The following PEMT variants were observed in gnomAD, a reference collection of about 807,000 sequenced individuals.
The protein encoded by PEMT is phosphatidylethanolamine N-methyltransferase.
In PEMT, 23 loss-of-function variants were observed where a neutral mutation model predicts 27.4. The ratio of observed to expected loss-of-function variants is 0.84; its 90% CI spans 0.60 to 1.19. The LOEUF (loss-of-function observed/expected upper bound fraction) is 1.19. Among genes scored for constraint, PEMT ranks in the 50% most tolerant of loss-of-function variants. The pLI is 0.00. For synonymous variants in PEMT, 137 were observed against 139.1 expected, an observed-to-expected ratio of 0.98 and a Z score of 0.11; for missense variants, 307 against 310.1, an observed-to-expected ratio of 0.99 and a Z score of 0.07.
chr17:17,518,423 A>G (rs1907008407), intron 3 of PEMT, among the ~76,000 whole-genome samples: 1 of 152,202 alleles, frequency 6.6e-6, no homozygotes, highest in Non-Finnish European at 1.5e-5. Flanking sequence ...GGAGCCCATC[A>G]GCCTTCCTCC....
chr17:17,588,991 G>A (rs1209107513), intron 1 of PEMT, among the ~76,000 whole-genome samples: 1 of 152,208 alleles, frequency 6.6e-6, no homozygotes, highest in Non-Finnish European at 1.5e-5. Context: ...ACAGAGTTTC[G>A]CTCTTCTAGC....
At chr17:17,535,589 AC>A (rs2142578709) in intron 2 of PEMT, among the ~76,000 whole-genome samples, 1 of 151,506 alleles carries the variant, frequency 6.6e-6, no homozygotes, top group South Asian at 2.1e-4. Flanking sequence ...AAAAGTCCTT[AC>A]TTGTTAGAGA....
At chr17:17,537,026 C>T (rs539249486) in intron 2 of PEMT, among the ~76,000 whole-genome samples, 44 of 152,304 alleles carry the variant, frequency 2.9e-4, no homozygotes, top group African/African-American at 9.9e-4. Flanking sequence ...CCGGGGGGCA[C>T]GGGAGGGACA....
intron 1 of PEMT, among the ~76,000 whole-genome samples, chr17:17,584,280 C>T (rs1345753184): frequency 6.6e-6 from 1 of 152,206 alleles, no homozygotes; most frequent in Non-Finnish European, 1.5e-5. Flanking sequence ...CTGCCTCAGC[C>T]TCCTAAGTAG....
At chr17:17,518,504 C>T (rs983432236) in intron 3 of PEMT, among the ~76,000 whole-genome samples, 25 of 152,366 alleles carry the variant, frequency 1.6e-4, no homozygotes, top group African/African-American at 5.5e-4. Context: ...TGGAGCACAC[C>T]TGCTTCCAGA....
In PEMT at chr17:17,529,122, C is replaced by G. The variant is rs548725392; in HGVS notation, c.205-6727G>C. ...GCCAGCTAGGCAGGCCCTGGGCCAG[C>G]AAGCAAGTGCATATATGAACAGGCG... On this transcript the variant is annotated intron_variant, in intron 2 of 6. Coordinates refer to ENST00000255389, the MANE Select transcript of PEMT (RefSeq NM_148172.3). 1.7e-3 allele frequency among the ~76,000 whole-genome samples: 260 copies of G among 152,350 alleles called. 1 individual carries two copies. Among genetic ancestry groups the G allele is most frequent in the Non-Finnish European group, 3.0e-3 (203 of 68,042 alleles).
intron 1 of PEMT, among the ~76,000 whole-genome samples, chr17:17,585,873 G>A (rs1243746988): frequency 6.6e-6 from 1 of 151,902 alleles, no homozygotes; most frequent in East Asian, 1.9e-4. Context: ...ATGAAGTCAG[G>A]AGATCGAGAT....
At chr17:17,517,790 GT>G (rs545056971) in intron 3 of PEMT, among the ~76,000 whole-genome samples, 45 of 152,278 alleles carry the variant, frequency 3.0e-4, no homozygotes, top group African/African-American at 1.0e-3. Context: ...CAGCCTGTGA[GT>G]GGGGGCCGCC....
In PEMT at chr17:17,534,128, G is replaced by A. The variant is rs114826315; in HGVS notation, c.205-11733C>T. 5.4e-3 allele frequency among the ~76,000 whole-genome samples: 815 copies of A among 152,236 alleles called. 10 individuals are homozygous for A. Among genetic ancestry groups the A allele is most frequent in the African/African-American group, 0.019 (774 of 41,516 alleles). ...TAAGAAAGATGAAAGCAGCTATCCA[G>A]GCAGACTTGAACATGGATGTTTACA... On this transcript the variant is annotated intron_variant, in intron 2 of 6. Transcript: ENST00000255389.
upstream of PEMT, chr17:17,592,100 ACGCCCAGGGCCCCACG>A (rs1912620976): frequency 1.0e-6 from 1 of 984,938 alleles, no homozygotes; most frequent in African/African-American, 1.7e-5. Flanking sequence ...AGGGCCCCAC[ACGCCCAGGGCCCCACG>A]CCCTCTTCTG....
chr17:17,557,682 T>A (rs918303855), intron 2 of PEMT, among the ~76,000 whole-genome samples: 24 of 152,096 alleles, frequency 1.6e-4, no homozygotes, highest in African/African-American at 5.8e-4. Context: ...AGGACTGAAA[T>A]GGGGTGGGCC....
intron 2 of PEMT, among the ~76,000 whole-genome samples, chr17:17,536,526 G>A (rs1437032291): frequency 1.3e-5 from 2 of 152,184 alleles, no homozygotes; most frequent in East Asian, 1.9e-4. Context: ...TCCTGCACAC[G>A]GGAGCCCCAG....
intron 4 of PEMT, among the ~76,000 whole-genome samples, chr17:17,511,956 G>A (rs924015953): frequency 6.6e-6 from 1 of 152,142 alleles, no homozygotes; most frequent in African/African-American, 2.4e-5. Context: ...AAGCACCTCA[G>A]CCACAGGCAG....
chr17:17,532,282 T>C (rs1908155764), intron 2 of PEMT, among the ~76,000 whole-genome samples: 1 of 152,084 alleles, frequency 6.6e-6, no homozygotes, highest in African/African-American at 2.4e-5. Context: ...TGACATAATC[T>C]CATACATTAA....
intron 2 of PEMT, among the ~76,000 whole-genome samples, chr17:17,527,265 G>A (rs1169975945): frequency 2.0e-5 from 3 of 152,194 alleles, no homozygotes; most frequent in Admixed American, 6.5e-5. Context: ...TCAAACTCCC[G>A]ACCTCAGGTG....
chr17:17,508,733 C>T (rs1906105883), intron 5 of PEMT: 2 of 466,136 alleles, frequency 4.3e-6, no homozygotes, highest in Non-Finnish European at 8.9e-6. Context: ...GGGAGCACAT[C>T]TCCATACCTT....
At chr17:17,559,186 G>A (rs1910288291) in intron 2 of PEMT, among the ~76,000 whole-genome samples, 2 of 152,210 alleles carry the variant, frequency 1.3e-5, no homozygotes, top group Non-Finnish European at 2.9e-5. Flanking sequence ...GCTGGTCCCA[G>A]CCCCTTCTCC....
chr17:17,583,837 A>C (rs1042896451), intron 1 of PEMT, among the ~76,000 whole-genome samples: 2 of 152,034 alleles, frequency 1.3e-5, no homozygotes, highest in African/African-American at 4.8e-5. Context: ...GGCAGCAAAA[A>C]CCACCTCATG....
chr17:17,507,277 G>T, intron 5 of PEMT: 1 of 1,218,536 alleles, frequency 8.2e-7, no homozygotes, highest in Non-Finnish European at 1.2e-6. Flanking sequence ...GGGCACAGAG[G>T]GCGCATGGGC....
Sources: allele counts gnomAD v4.1 joint callset (sites outside exome capture counted in the v4.1 genomes callset), GRCh38; gene constraint gnomAD v4.1.1; transcripts MANE v1.5; gene names NCBI Gene and HGNC (gene_info 2026-07-23, HGNC 2026-07-21).